SPATA17: variants seen among roughly 807,000 people sequenced by gnomAD.
SPATA17 encodes spermatogenesis associated 17, also known as spermatogenesis-associated protein 17.
Under a neutral mutation model 62.2 loss-of-function variants are expected in SPATA17, and 53 were observed. The observed-to-expected ratio is 0.85, with a 90% CI of 0.68 to 1.07. The LOEUF is 1.07. Among genes scored for constraint, SPATA17 ranks in the 50% least tolerant of loss-of-function variants. The probability of loss-of-function intolerance (pLI) is 0.00; values close to 1 mark genes in which losing one functional copy is unlikely to be tolerated. For synonymous variants in SPATA17, 146 were observed against 146.8 expected (o/e 0.99, Z 0.04); for missense variants, 466 against 425.5 (o/e 1.10, Z -0.84).
intron 6 of SPATA17, among the ~76,000 whole-genome samples, chr1:217,770,462 T>C (rs1409149000): frequency 6.6e-6 from 1 of 152,148 alleles, no homozygotes; most frequent in Non-Finnish European, 1.5e-5. Flanking sequence ...ATTAGAACAT[T>C]AGTAATTGTG....
intron 10 of SPATA17, among the ~76,000 whole-genome samples, chr1:217,863,119 CTT>C (rs35673625): frequency 0.057 from 6,357 of 111,568 alleles, 91 homozygotes; most frequent in South Asian, 0.068. Flanking sequence ...AATACTCTTT[CTT>C]TTTTTTTTTT....
chr1:217,832,263 G>C (rs1260439650), intron 9 of SPATA17, among the ~76,000 whole-genome samples: 2 of 152,064 alleles, frequency 1.3e-5, no homozygotes, highest in African/African-American at 4.8e-5. Flanking sequence ...TTCATGGCTA[G>C]TGTTCCCTAA....
chr1:217,832,396 CT>C (rs1477476267), intron 9 of SPATA17, among the ~76,000 whole-genome samples: 5 of 152,024 alleles, frequency 3.3e-5, no homozygotes, highest in African/African-American at 1.2e-4. Context: ...ATTTCACATG[CT>C]TTAACTTTCT....
chr1:217,631,423 A>C lies in SPATA17; in HGVS notation c.45A>C (p.Gly15=). Residue 15 remains glycine (G), a synonymous_variant, in exon 1 of 11, where the codon GGA becomes GGC. Coordinates refer to ENST00000366933, the MANE Select transcript of SPATA17 (RefSeq NM_138796.4). ...ARLQARSSTV[G]NQYYFRNSVV... ...TGCAAGCTAGGTCGTCGACTGTAGGAAATCAGTACTACTTTAGGAACAGGT... is the reference window on the plus strand; with the variant it reads ...TGCAAGCTAGGTCGTCGACTGTAGGCAATCAGTACTACTTTAGGAACAGGT... 6.2e-7 allele frequency: 1 copy of C among 1,614,144 alleles called. No homozygotes were observed. The highest frequency in any genetic ancestry group is 8.5e-7 in the Non-Finnish European group (1 of 1,180,022).
At chr1:217,849,889 A>T (rs905722139) in intron 9 of SPATA17, among the ~76,000 whole-genome samples, 1 of 152,108 alleles carries the variant, frequency 6.6e-6, no homozygotes, top group Admixed American at 6.5e-5. Context: ...TTCTGGGTTT[A>T]AGTAGGAAAA....
chr1:217,840,150 T>A (rs1484532015), intron 9 of SPATA17, among the ~76,000 whole-genome samples: 8 of 152,144 alleles, frequency 5.3e-5, no homozygotes, highest in African/African-American at 1.7e-4. Flanking sequence ...GTAAGACAGC[T>A]AGATAAAACA....
intron 3 of SPATA17, among the ~76,000 whole-genome samples, chr1:217,661,836 G>A (rs1365591451): frequency 6.6e-6 from 1 of 152,034 alleles, no homozygotes; most frequent in Non-Finnish European, 1.5e-5. Flanking sequence ...TGAACTCTTG[G>A]TTTAATTTTA....
At chr1:217,709,055 T>C (rs1359140384) in intron 5 of SPATA17, among the ~76,000 whole-genome samples, 1 of 152,196 alleles carries the variant, frequency 6.6e-6, no homozygotes, top group Non-Finnish European at 1.5e-5. Flanking sequence ...GAGCCATCTA[T>C]GACAAACTCA....
At chr1:217,852,326 C>T (rs1286665648) in intron 9 of SPATA17, among the ~76,000 whole-genome samples, 5 of 152,150 alleles carry the variant, frequency 3.3e-5, no homozygotes, top group Admixed American at 1.3e-4. Context: ...TAATAGTTCT[C>T]TTTACTTCTG....
intron 5 of SPATA17, among the ~76,000 whole-genome samples, chr1:217,724,621 G>A (rs1195781233): frequency 1.3e-5 from 2 of 151,922 alleles, no homozygotes; most frequent in African/African-American, 2.4e-5. Context: ...AAAATAAATT[G>A]TCTAATTTTC....
intron 5 of SPATA17, among the ~76,000 whole-genome samples, chr1:217,728,282 A>C (rs1382032250): frequency 6.6e-6 from 1 of 152,178 alleles, no homozygotes; most frequent in East Asian, 1.9e-4. Flanking sequence ...ACATATTTTG[A>C]GCACTTATGG....
At chr1:217,845,644 C>A (rs1675506456) in intron 9 of SPATA17, among the ~76,000 whole-genome samples, 1 of 151,924 alleles carries the variant, frequency 6.6e-6, no homozygotes, top group Non-Finnish European at 1.5e-5. Flanking sequence ...ATTAAAATTT[C>A]TCTTAAAAAA....
chr1:217,809,505 G>T (rs1301440181), intron 9 of SPATA17, among the ~76,000 whole-genome samples: 2 of 152,154 alleles, frequency 1.3e-5, no homozygotes, highest in Non-Finnish European at 2.9e-5. Context: ...TTTGTGCTGT[G>T]TCATAACATG....
At chr1:217,723,561 C>T (rs141663201) in intron 5 of SPATA17, among the ~76,000 whole-genome samples, 1 of 152,148 alleles carries the variant, frequency 6.6e-6, no homozygotes, top group East Asian at 1.9e-4. Context: ...GCCCATCCTT[C>T]CTCATAAATC....
intron 5 of SPATA17, among the ~76,000 whole-genome samples, chr1:217,702,314 A>G (rs1217505948): frequency 1.3e-5 from 2 of 152,112 alleles, no homozygotes; most frequent in East Asian, 3.8e-4. Flanking sequence ...GCTTTATTCT[A>G]ATTTTTTAAA....
At chr1:217,735,364 G>T (rs1023423590) in intron 5 of SPATA17, among the ~76,000 whole-genome samples, 2 of 151,812 alleles carry the variant, frequency 1.3e-5, no homozygotes, top group Admixed American at 1.3e-4. Flanking sequence ...CAGAGGGAGA[G>T]CATCTTTCTC....
chr1:217,745,537 A>G (rs1006760281), intron 6 of SPATA17, among the ~76,000 whole-genome samples: 5 of 152,316 alleles, frequency 3.3e-5, no homozygotes, highest in African/African-American at 1.2e-4. Context: ...ATTTTAAAAC[A>G]TGCTACAAGT....
chr1:217,823,035 A>AT (rs995675387), intron 9 of SPATA17, among the ~76,000 whole-genome samples: 2 of 151,108 alleles, frequency 1.3e-5, no homozygotes, highest in African/African-American at 2.4e-5. Flanking sequence ...TGTTTTTATC[A>AT]TTTTTTGTCT....
intron 8 of SPATA17, among the ~76,000 whole-genome samples, chr1:217,786,834 G>A (rs1414418452): frequency 9.0e-6 from 1 of 110,754 alleles, no homozygotes. Flanking sequence ...TCTTTGAATG[G>A]ATGCTTCTAC....
Sources: allele counts gnomAD v4.1 joint callset (sites outside exome capture counted in the v4.1 genomes callset), GRCh38; gene constraint gnomAD v4.1.1; transcripts MANE v1.5; gene names NCBI Gene and HGNC (gene_info 2026-07-23, HGNC 2026-07-21).